Variants in ROBO2 observed in about 807,000 individuals in gnomAD.
ROBO2 encodes the protein roundabout homolog 2.
ROBO2 carries 53 observed loss-of-function variants against 160.8 expected under a neutral mutation model. The ratio of observed to expected loss-of-function variants is 0.33; its 90% CI spans 0.26 to 0.41. The LOEUF is 0.41. Ranked by LOEUF, ROBO2 falls within the 10% of genes least tolerant of loss-of-function variation. The pLI, the probability that ROBO2 is intolerant of heterozygous loss-of-function variation, is 1.00. For missense variants in ROBO2, 1,577 were observed against 1,722.4 expected (o/e 0.92, Z 1.49); for synonymous variants, 664 against 611.7 (o/e 1.09, Z -1.26).
At chr3:76,378,884 C>T (rs375242078) in intron 2 of ROBO2, among the ~76,000 whole-genome samples, 251 of 152,276 alleles carry the variant, frequency 1.6e-3, no homozygotes, top group Middle Eastern at 0.014. Context: ...CAAAAAAATT[C>T]GAAAGAACTT....
chr3:76,059,475 T>C (rs1232621317), intron 2 of ROBO2, among the ~76,000 whole-genome samples: 1 of 152,210 alleles, frequency 6.6e-6, no homozygotes, highest in African/African-American at 2.4e-5. Context: ...TTCATATACT[T>C]TGCCCACTTT....
intron 2 of ROBO2, among the ~76,000 whole-genome samples, chr3:76,456,027 T>C (rs556977263): frequency 2.0e-5 from 3 of 152,288 alleles, no homozygotes; most frequent in East Asian, 1.9e-4. Context: ...AGACAATACA[T>C]GTCTCATTAG....
intron 2 of ROBO2, among the ~76,000 whole-genome samples, chr3:77,380,803 T>C (rs1354277516): frequency 6.6e-6 from 1 of 151,998 alleles, no homozygotes. Flanking sequence ...ATATTTCCTT[T>C]ATTTCTCTCC....
intron 2 of ROBO2, among the ~76,000 whole-genome samples, chr3:77,339,575 C>A (rs1207311931): frequency 6.6e-6 from 1 of 151,930 alleles, no homozygotes; most frequent in African/African-American, 2.4e-5. Context: ...TTAAATAATC[C>A]ATTTAATGAA....
intron 2 of ROBO2, among the ~76,000 whole-genome samples, chr3:76,951,606 T>C (rs4541442): frequency 0.031 from 4,651 of 152,310 alleles, 206 homozygotes; most frequent in African/African-American, 0.11. Flanking sequence ...AAGTGTTATT[T>C]TTTTTAATGT....
intron 2 of ROBO2, among the ~76,000 whole-genome samples, chr3:77,001,781 T>A (rs2061346417): frequency 6.6e-6 from 1 of 150,742 alleles, no homozygotes; most frequent in Non-Finnish European, 1.5e-5. Flanking sequence ...GAACTATACA[T>A]GAAGTTGTTC....
At chr3:76,879,355 G>T (rs2073108242) in intron 2 of ROBO2, among the ~76,000 whole-genome samples, 1 of 152,038 alleles carries the variant, frequency 6.6e-6, no homozygotes, top group African/African-American at 2.4e-5. Context: ...GTGTGTCTAA[G>T]AATCTGCATT....
At chr3:77,071,749 T>C (rs915506146) in intron 1 of ROBO2, among the ~76,000 whole-genome samples, 1 of 152,206 alleles carries the variant, frequency 6.6e-6, no homozygotes, top group Admixed American at 6.5e-5. Flanking sequence ...TAGGAAACCA[T>C]CAGTTTCCTA....
chr3:76,629,157 A>G (rs905369452), intron 2 of ROBO2, among the ~76,000 whole-genome samples: 1 of 152,214 alleles, frequency 6.6e-6, no homozygotes, highest in East Asian at 1.9e-4. Flanking sequence ...GTTGTGCTCA[A>G]TGACACAAAT....
At chr3:76,662,701 A>G (rs2091876112) in intron 2 of ROBO2, among the ~76,000 whole-genome samples, 1 of 152,124 alleles carries the variant, frequency 6.6e-6, no homozygotes, top group Non-Finnish European at 1.5e-5. Context: ...GGGTCAGGAG[A>G]GAGAAGGAAA....
At chr3:77,234,767 CAG>C (rs1388817691) in intron 2 of ROBO2, among the ~76,000 whole-genome samples, 6 of 152,204 alleles carry the variant, frequency 3.9e-5, no homozygotes, top group Middle Eastern at 6.8e-3. Context: ...GAAAAAGAAA[CAG>C]AATTAAAAAT....
At chr3:75,943,722 G>T (rs1235346395) in intron 2 of ROBO2, among the ~76,000 whole-genome samples, 1 of 151,936 alleles carries the variant, frequency 6.6e-6, no homozygotes, top group African/African-American at 2.4e-5. Flanking sequence ...GTTTTTTTGA[G>T]ACAGAGTCTT....
chr3:76,320,409 T>A lies in ROBO2; in HGVS notation c.109+382807T>A, dbSNP rs770366084. On this transcript the variant is annotated intron_variant, in intron 2 of 26. Transcript: ENST00000487694. ...GCCAGGATGAGGTACAGAAATTCAT[T>A]CCTTCTGTCAATTTATGAAGAGTTC... 2.8e-4 allele frequency among the ~76,000 whole-genome samples: 43 copies of A among 152,284 alleles called. 1 individual carries two copies. The highest frequency in any genetic ancestry group is 3.4e-3 in the Middle Eastern group (1 of 294).
At chr3:77,514,992 G>T (rs565324015) in intron 5 of ROBO2, among the ~76,000 whole-genome samples, 93 of 151,820 alleles carry the variant, frequency 6.1e-4, no homozygotes, top group African/African-American at 2.1e-3. Flanking sequence ...ATGTGGTTTT[G>T]GGAAAGAAAC....
chr3:77,569,940 C>A (rs932883216), intron 13 of ROBO2, among the ~76,000 whole-genome samples: 1 of 151,770 alleles, frequency 6.6e-6, no homozygotes, highest in Non-Finnish European at 1.5e-5. Flanking sequence ...TAGATTTATT[C>A]TATTTTCTGC....
chr3:76,068,457 A>G (rs1182395715), intron 2 of ROBO2, among the ~76,000 whole-genome samples: 2 of 152,196 alleles, frequency 1.3e-5, no homozygotes, highest in African/African-American at 2.4e-5. Flanking sequence ...CTAAGAGGCC[A>G]CAGTGTGTTC....
At chr3:76,903,983 C>T (rs2075417578) in intron 2 of ROBO2, among the ~76,000 whole-genome samples, 1 of 152,102 alleles carries the variant, frequency 6.6e-6, no homozygotes, top group Non-Finnish European at 1.5e-5. Flanking sequence ...TATCATGTTG[C>T]CAGTTTTCTC....
chr3:77,288,314 TTA>T (rs2060757800), intron 2 of ROBO2, among the ~76,000 whole-genome samples: 1 of 152,190 alleles, frequency 6.6e-6, no homozygotes, highest in Admixed American at 6.5e-5. Context: ...GGCAAAAACA[TTA>T]AACTGACAAA....
intron 2 of ROBO2, among the ~76,000 whole-genome samples, chr3:76,131,675 C>T (rs1423956027): frequency 1.3e-5 from 2 of 152,016 alleles, no homozygotes; most frequent in Non-Finnish European, 2.9e-5. Context: ...TATTGGTCAT[C>T]GTTACTAAAC....
Sources: allele counts gnomAD v4.1 joint callset (sites outside exome capture counted in the v4.1 genomes callset), GRCh38; gene constraint gnomAD v4.1.1; transcripts MANE v1.5; gene names NCBI Gene and HGNC (gene_info 2026-07-23, HGNC 2026-07-21).